Variants in KLK6 observed in about 807,000 individuals in gnomAD.
KLK6 encodes the protein kallikrein related peptidase 6.
A neutral mutation model predicts 21.7 loss-of-function variants in KLK6; 16 were observed. The ratio of observed to expected loss-of-function variants is 0.74; its 90% CI spans 0.50 to 1.12. The LOEUF is 1.12. Among genes scored for constraint, KLK6 ranks in the 50% most tolerant of loss-of-function variants. The pLI, the probability that KLK6 is intolerant of heterozygous loss-of-function variation, is 0.00. For missense variants in KLK6, 276 were observed against 304.6 expected, an observed-to-expected ratio of 0.91 and a Z score of 0.70; for synonymous variants, 116 against 120.1, an observed-to-expected ratio of 0.97 and a Z score of 0.22.
chr19:50,963,619 G>C, intron 4 of KLK6, 70 bp from the exon 5 acceptor site: 1 of 1,575,802 alleles, frequency 6.3e-7, no homozygotes, highest in Non-Finnish European at 8.6e-7. Context: ...AGAGGGCTGG[G>C]AAGTCATGAA....
At chr19:50,960,087 G>GATAA (rs2090814770) in intron 6 of KLK6, among the ~76,000 whole-genome samples, 1 of 76,042 alleles carries the variant, frequency 1.3e-5, no homozygotes, top group Non-Finnish European at 2.7e-5. Flanking sequence ...AGGAGGAGGG[G>GATAA]GAGGAGGATG....
In KLK6 at chr19:50,959,051, A is replaced by G; in HGVS notation, c.*113T>C. 1 of 1,137,478 alleles carries G rather than the reference A, an allele frequency of 8.8e-7. No homozygotes were observed. Among genetic ancestry groups the G allele is most frequent in the Non-Finnish European group, 1.3e-6 (1 of 771,178 alleles). 70.5% of individuals were successfully genotyped at this position (1,137,478 alleles called of 1,614,324 possible). A position where few individuals can be genotyped will look rare whatever the true frequency, so the allele number is the denominator to read the frequency against. On this transcript the variant is annotated 3_prime_UTR_variant, in exon 7 of 7. Transcript: ENST00000310157. ...GACCCTCACGTCGCTGCGTTTATTA[A>G]GCATCAGGGTCAGAGCTGGGCAGGA...
intron 3 of KLK6, among the ~76,000 whole-genome samples, chr19:50,967,706 A>G (rs1432464519): frequency 4.2e-5 from 1 of 23,776 alleles, no homozygotes; most frequent in Non-Finnish European, 1.5e-4. Flanking sequence ...CCCTGTCTCA[A>G]AAAAAAAAAG....
rs2090760365 is a variant in KLK6 at position 50,958,982 on chromosome 19, C to T, written c.*182G>A. ...AAGTCCTCACTCATCACGTCCTCCC[C>T]AGTGATGCAAGGATGGAGCTGGGGT... is the stretch of plus-strand genomic sequence containing the variant. On this transcript the variant is annotated 3_prime_UTR_variant, in exon 7 of 7. Coordinates refer to ENST00000310157, the MANE Select transcript of KLK6 (RefSeq NM_002774.4). 1 of 658,496 alleles carries T rather than the reference C, an allele frequency of 1.5e-6. No homozygotes were observed. 40.8% of individuals were successfully genotyped at this position (658,496 alleles called of 1,614,324 possible).
intron 3 of KLK6, among the ~76,000 whole-genome samples, chr19:50,967,550 C>CACACACACAA (rs765495050): frequency 7.1e-6 from 1 of 141,398 alleles, no homozygotes; most frequent in Non-Finnish European, 1.6e-5. Context: ...CACACACACA[C>CACACACACAA]AAATTAGCAG....
rs763624502 is a variant in KLK6 at position 50,959,194 on chromosome 19, G to A, written c.705C>T (p.Asn235=). Residue 235 remains asparagine (N), a synonymous_variant, in exon 7 of 7, where the codon AAC becomes AAT. Coordinates refer to ENST00000310157, the MANE Select transcript of KLK6 (RefSeq NM_002774.4). Reference sequence around the variant, plus strand: ...TGGCCTGAATGGTTTTTTGGATCCAGTTCGTGTATCTGCAGACGTTGGTGT... The same window carrying A: ...TGGCCTGAATGGTTTTTTGGATCCAATTCGTGTATCTGCAGACGTTGGTGT... ...GVYTNVCRYT[N]WIQKTIQAK 6.2e-7 allele frequency: 1 copy of A among 1,614,012 alleles called. No individual in the cohort carries two copies. The highest frequency in any genetic ancestry group is 8.5e-7 in the Non-Finnish European group (1 of 1,180,020).
rs2090761027 is a variant in KLK6, at chr19:50,959,022, T to A, written c.*142A>T. The A allele has an allele frequency of 3.5e-6, 3 of 868,450 alleles. No individual in the cohort carries two copies. Among genetic ancestry groups the A allele is most frequent in the East Asian group, 4.9e-5 (2 of 40,962 alleles). 53.8% of individuals were successfully genotyped at this position (868,450 alleles called of 1,614,324 possible). On this transcript the variant is annotated 3_prime_UTR_variant, in exon 7 of 7. Coordinates refer to ENST00000310157, the MANE Select transcript of KLK6 (RefSeq NM_002774.4). The stretch of plus-strand genomic sequence containing the variant: ...GGAGCTGGGGTAAAACCAGGGAGAA[T>A]CAGGACCCTCACGTCGCTGCGTTTA...
intron 4 of KLK6, among the ~76,000 whole-genome samples, chr19:50,965,353 C>T (rs375919621): frequency 2.5e-4 from 38 of 151,788 alleles, no homozygotes; most frequent in Middle Eastern, 6.8e-3. Flanking sequence ...GGCGCGATCT[C>T]GGCTCACTGC....
rs1371927614 is a variant in KLK6 at position 50,963,524 on chromosome 19, G to T, written c.223C>A (p.His75Asn). The change falls in exon 5 of 7, where the codon CAT (histidine) becomes AAT (asparagine). Residue 75 changes from histidine to asparagine, a missense_variant. Physicochemically the swap from His to Asn is moderately conservative, Grantham distance 68. Coordinates refer to ENST00000310157, the MANE Select transcript of KLK6 (RefSeq NM_002774.4). Reference sequence around the variant, plus strand: ...GAACTCTCCCTTTGCCGAAGGTTATGCTTCCCCAGGAAGACCTGAAGATTC... The same window carrying T: ...GAACTCTCCCTTTGCCGAAGGTTATTCTTCCCCAGGAAGACCTGAAGATTC... ...KPNLQVFLGKHNLRQRESSQE... is the reference protein window; with the variant it reads ...KPNLQVFLGKNNLRQRESSQE... 6.2e-7 allele frequency: 1 copy of T among 1,614,118 alleles called. No homozygotes were observed. The highest frequency in any genetic ancestry group is 2.2e-5 in the East Asian group (1 of 44,874).
At chr19:50,962,482 T>C (rs2090859260) in intron 5 of KLK6, 1 of 152,760 alleles carries the variant, frequency 6.5e-6, no homozygotes, top group Non-Finnish European at 1.5e-5. Flanking sequence ...TATTGGCCCT[T>C]CCTCCAATGG....
intron 2 of KLK6, 196 bp from the exon 3 acceptor site, chr19:50,968,308 T>C (rs1427184894): frequency 1.1e-5 from 7 of 631,764 alleles, no homozygotes; most frequent in African/African-American, 1.1e-4. Flanking sequence ...ACGAAAACAG[T>C]GCCAAAGAGA....
At position 50,963,370 on chromosome 19, in the gene KLK6, G is replaced by A. The variant is rs773323894; in HGVS notation, c.377C>T (p.Pro126Leu). 30 of 1,614,072 alleles carry A rather than the reference G, an allele frequency of 1.9e-5. No individual in the cohort carries two copies. The highest frequency in any genetic ancestry group is 3.3e-5 in the Admixed American group (2 of 60,004). ...GTTGGCTGAGCAGTCCCTCTCCAGG[G>A]GAAGGGGCTGGATGAGTTCAGAGAG... ...AKLSELIQPL[P>L]LERDCSANTT... The change falls in exon 5 of 7, where the codon CCC (proline) becomes CTC (leucine). Residue 126 changes from proline (P) to leucine (L), a missense_variant. Transcript: ENST00000310157.
At chr19:50,963,604 T>C (rs199800687) in intron 4 of KLK6, 55 bp from the exon 5 acceptor site, 278 of 1,597,338 alleles carry the variant, frequency 1.7e-4, no homozygotes, top group Non-Finnish European at 2.2e-4. Context: ...CAGTTGAGGC[T>C]TCAGAGAGGG....
At chr19:50,969,140 C>T (rs1238096997) in intron 1 of KLK6, among the ~76,000 whole-genome samples, 2 of 143,966 alleles carry the variant, frequency 1.4e-5, no homozygotes, top group African/African-American at 5.2e-5. Flanking sequence ...GGCTGGGGGC[C>T]TGGACTCCTG....
chr19:50,968,539 A>ATG lies in KLK6; in HGVS notation c.-9+1_-9+2insCA, dbSNP rs1600100987. ...CAGGTTCTGTGATGTCTGTGATCTCACCTGCTGCAGGCCTCCGGGCTCCGG... is the reference window on the plus strand; with the variant it reads ...CAGGTTCTGTGATGTCTGTGATCTCATGCCTGCTGCAGGCCTCCGGGCTCCGG... On this transcript the variant is annotated splice_donor_variant, in intron 2 of 6. Transcript: ENST00000310157. LOFTEE classifies it low-confidence loss of function (5UTR_SPLICE). 1 of 123,720 alleles carries ATG rather than the reference A, an allele frequency of 8.1e-6. No individual in the cohort carries two copies. Among genetic ancestry groups the ATG allele is most frequent in the East Asian group, 2.0e-4 (1 of 4,906 alleles). 7.7% of individuals were successfully genotyped at this position (123,720 alleles called of 1,614,324 possible).
At position 50,967,034 on chromosome 19, in the gene KLK6, A is replaced by G. The variant is rs192016351; in HGVS notation, c.197+135T>C. On this transcript the variant is annotated intron_variant, in intron 4 of 6. Transcript: ENST00000310157. ...CACACATTAAGTACTCAATTAAGCAACAGCCGAATGCACCTGGCTATCAGA... is the reference window on the plus strand; with the variant it reads ...CACACATTAAGTACTCAATTAAGCAGCAGCCGAATGCACCTGGCTATCAGA... 9.0e-6 allele frequency: 8 copies of G among 885,466 alleles called. No homozygotes were observed. In the East Asian group the frequency reaches 1.0e-4, roughly 11 times the overall value. 54.9% of individuals were successfully genotyped at this position (885,466 alleles called of 1,614,324 possible).
chr19:50,963,972 C>T (rs1378176594), intron 4 of KLK6, among the ~76,000 whole-genome samples: 1 of 152,180 alleles, frequency 6.6e-6, no homozygotes, highest in Non-Finnish European at 1.5e-5. Context: ...GCCTCCTCTG[C>T]TCAGCCCCTC....
chr19:50,960,778 T>A (rs948448241), intron 6 of KLK6, among the ~76,000 whole-genome samples: 24 of 151,590 alleles, frequency 1.6e-4, no homozygotes, highest in Non-Finnish European at 3.1e-4. Flanking sequence ...TTTTGGTTTT[T>A]TTTTGAGACG....
chr19:50,963,289 T>C lies in KLK6; in HGVS notation c.445+13A>G, dbSNP rs752709565. On this transcript the variant is annotated intron_variant, in intron 5 of 6. Transcript: ENST00000310157. ...GCCAGTAGCCTGCTCCCCACCAGCCTCCCACTACTGACCATCTGCTGTCTT... is the reference window on the plus strand; with the variant it reads ...GCCAGTAGCCTGCTCCCCACCAGCCCCCCACTACTGACCATCTGCTGTCTT... The C allele has an allele frequency of 8.1e-6, 13 of 1,608,450 alleles. No homozygotes were observed. Among genetic ancestry groups the C allele is most frequent in the Non-Finnish European group, 9.4e-6 (11 of 1,175,732 alleles).
Sources: gnomAD v4.1 joint callset for allele counts (sites outside exome capture counted in the v4.1 genomes callset) on GRCh38, gnomAD v4.1.1 for gene constraint, MANE v1.5 for transcripts, NCBI Gene and HGNC (gene_info 2026-07-23, HGNC 2026-07-21) for gene names.